The following CFDP1 variants were observed in gnomAD, a reference collection of about 807,000 sequenced individuals.
The protein encoded by CFDP1 is heterochromatin-stabilizing protein CFDP1.
A neutral mutation model predicts 40.1 loss-of-function variants in CFDP1; 31 were observed. The ratio of observed to expected loss-of-function variants is 0.77; its 90% CI spans 0.58 to 1.04. CFDP1 has a LOEUF of 1.04. CFDP1 is among the 50% of genes least tolerant of loss of function. The pLI, the probability that CFDP1 is intolerant of heterozygous loss-of-function variation, is 0.00. For synonymous variants in CFDP1, 167 were observed against 120.0 expected (o/e 1.39, Z -2.56); for missense variants, 423 against 343.4 (o/e 1.23, Z -1.83).
intron 5 of CFDP1, among the ~76,000 whole-genome samples, chr16:75,308,887 A>G (rs1036009186): frequency 9.2e-5 from 14 of 152,334 alleles, no homozygotes; most frequent in South Asian, 4.1e-4. Context: ...GAAAAAAACC[A>G]TAATACCCCT....
chr16:75,430,460 C>T (rs529393536), intron 1 of CFDP1, among the ~76,000 whole-genome samples: 57 of 149,862 alleles, frequency 3.8e-4, no homozygotes, highest in Non-Finnish European at 7.1e-4. Flanking sequence ...TGTGAGCCAC[C>T]GCACCTGGCC....
chr16:75,320,481 G>C (rs1368958900), intron 5 of CFDP1, among the ~76,000 whole-genome samples: 1 of 152,060 alleles, frequency 6.6e-6, no homozygotes, highest in Non-Finnish European at 1.5e-5. Context: ...ATCAACTAAA[G>C]TAGGGCAGAC....
intron 5 of CFDP1, among the ~76,000 whole-genome samples, chr16:75,328,977 G>A (rs546837129): frequency 1.3e-5 from 2 of 152,080 alleles, no homozygotes; most frequent in Admixed American, 6.5e-5. Flanking sequence ...CTCCCGAGCA[G>A]CTGGGACTAC....
chr16:75,314,879 A>G (rs12445211), intron 5 of CFDP1, among the ~76,000 whole-genome samples: 126,595 of 152,036 alleles, frequency 0.83, 52,871 homozygotes, highest in Middle Eastern at 0.91. Context: ...AGCCTCCCAC[A>G]TAGCTGGGAT....
chr16:75,409,221 A>G (rs532067004), intron 4 of CFDP1: 1 of 152,286 alleles, frequency 6.6e-6, no homozygotes, highest in East Asian at 1.9e-4. Flanking sequence ...AACACTTCCA[A>G]TGAACAGCCT....
At chr16:75,397,588 G>A (rs920671898) in intron 4 of CFDP1, among the ~76,000 whole-genome samples, 1 of 151,902 alleles carries the variant, frequency 6.6e-6, no homozygotes, top group African/African-American at 2.4e-5. Context: ...AGATTATGAG[G>A]TCAGGAGTTC....
At chr16:75,367,978 A>G (rs909517491) in intron 5 of CFDP1, among the ~76,000 whole-genome samples, 4 of 151,482 alleles carry the variant, frequency 2.6e-5, no homozygotes, top group Non-Finnish European at 5.9e-5. Flanking sequence ...GGTGGTGGAC[A>G]CCTGTAATCC....
Position 75,404,387 on chromosome 16 carries a change from A to G in CFDP1, c.530+7438T>C, listed in dbSNP as rs377120466. 2.6e-4 allele frequency among the ~76,000 whole-genome samples: 40 copies of G among 151,520 alleles called. 1 individual carries two copies. In the South Asian group the frequency reaches 7.2e-3, roughly 27 times the overall value. On this transcript the variant is annotated intron_variant, in intron 4 of 6. Coordinates refer to ENST00000283882, the MANE Select transcript of CFDP1 (RefSeq NM_006324.3). The stretch of plus-strand genomic sequence containing the variant: ...CAGGCACCCGCCACTGCACCCAGCT[A>G]ATTTTTTGTATTTTTAGTAGAGAAC...
intron 5 of CFDP1, among the ~76,000 whole-genome samples, chr16:75,338,124 T>C (rs2078502176): frequency 6.6e-6 from 1 of 152,180 alleles, no homozygotes; most frequent in South Asian, 2.1e-4. Context: ...TTGGATACTT[T>C]TGTACTTCCA....
intron 1 of CFDP1, among the ~76,000 whole-genome samples, chr16:75,427,386 G>T (rs988802773): frequency 6.6e-6 from 1 of 151,962 alleles, no homozygotes; most frequent in South Asian, 2.1e-4. Context: ...AAGTAGCTGG[G>T]ACTACAGGCA....
At chr16:75,428,610 C>T (rs1340835350) in intron 1 of CFDP1, among the ~76,000 whole-genome samples, 1 of 148,670 alleles carries the variant, frequency 6.7e-6, no homozygotes, top group African/African-American at 2.5e-5. Context: ...GAGCTATACT[C>T]CATCTCAAAA....
chr16:75,399,664 A>T (rs2079031145), intron 4 of CFDP1, among the ~76,000 whole-genome samples: 1 of 151,184 alleles, frequency 6.6e-6, no homozygotes, highest in Admixed American at 6.6e-5. Context: ...GGCATGAGCC[A>T]CTGCGCCCAG....
chr16:75,395,519 C>A (rs1464186102), intron 4 of CFDP1, among the ~76,000 whole-genome samples: 1 of 151,884 alleles, frequency 6.6e-6, no homozygotes, highest in African/African-American at 2.4e-5. Flanking sequence ...ATTAGCTGGG[C>A]GTGGTGGCGG....
chr16:75,300,959 C>T (rs941537776), intron 6 of CFDP1, among the ~76,000 whole-genome samples: 2 of 152,148 alleles, frequency 1.3e-5, no homozygotes, highest in African/African-American at 4.8e-5. Context: ...GAGATGCCAC[C>T]AAGCTCTACT....
chr16:75,318,039 T>A (rs1177883160), intron 5 of CFDP1, among the ~76,000 whole-genome samples: 1 of 152,016 alleles, frequency 6.6e-6, no homozygotes, highest in South Asian at 2.1e-4. Flanking sequence ...GAGAATTGCT[T>A]GAACTTGGGA....
At chr16:75,339,301 A>T (rs1187247228) in intron 5 of CFDP1, among the ~76,000 whole-genome samples, 2 of 152,176 alleles carry the variant, frequency 1.3e-5, no homozygotes, top group African/African-American at 4.8e-5. Flanking sequence ...TGAGGTTCTA[A>T]CTAAAGGATC....
chr16:75,378,055 A>G (rs984034078), intron 5 of CFDP1, among the ~76,000 whole-genome samples: 3 of 152,208 alleles, frequency 2.0e-5, no homozygotes, highest in Non-Finnish European at 4.4e-5. Context: ...GGCAAGCCAA[A>G]GTTAAGTGCA....
At chr16:75,354,358 A>G (rs894859942) in intron 5 of CFDP1, among the ~76,000 whole-genome samples, 7 of 152,214 alleles carry the variant, frequency 4.6e-5, no homozygotes, top group African/African-American at 1.4e-4. Flanking sequence ...ATGGCTCTGC[A>G]TTCACTGTTG....
At chr16:75,345,811 T>C (rs970165636) in intron 5 of CFDP1, among the ~76,000 whole-genome samples, 6 of 152,198 alleles carry the variant, frequency 3.9e-5, no homozygotes, top group African/African-American at 1.4e-4. Context: ...CTTTAAAATC[T>C]TGAAAAATGC....
Sources: gnomAD v4.1 joint callset for allele counts (sites outside exome capture counted in the v4.1 genomes callset) on GRCh38, gnomAD v4.1.1 for gene constraint, MANE v1.5 for transcripts, NCBI Gene and HGNC (gene_info 2026-07-23, HGNC 2026-07-21) for gene names.